The following CDIN1 variants were observed in gnomAD, a reference collection of about 807,000 sequenced individuals.
The protein encoded by CDIN1 is CDAN1 interacting nuclease 1.
CDIN1 carries 33 observed loss-of-function variants against 45.3 expected under a neutral mutation model. The observed-to-expected ratio is 0.73, with a 90% confidence interval of 0.55 to 0.97. The LOEUF (loss-of-function observed/expected upper bound fraction) is 0.97, where lower values mean the gene tolerates loss of function less well. Among genes scored for constraint, CDIN1 ranks in the 50% least tolerant of loss-of-function variants. The pLI, the probability that CDIN1 is intolerant of heterozygous loss-of-function variation, is 0.00. For synonymous variants in CDIN1, 118 were observed against 124.4 expected (o/e 0.95, Z 0.34); for missense variants, 303 against 339.4 (o/e 0.89, Z 0.84).
intron 8 of CDIN1, chr15:36,704,938 A>G (rs2042807605): frequency 6.6e-6 from 1 of 152,174 alleles, no homozygotes; most frequent in Non-Finnish European, 1.5e-5. Flanking sequence ...ATTCTTAAGT[A>G]TATGTTAACT....
chr15:36,626,074 TTAAA>T (rs1425881803), intron 1 of CDIN1, among the ~76,000 whole-genome samples: 3 of 151,624 alleles, frequency 2.0e-5, no homozygotes, highest in African/African-American at 7.3e-5. Flanking sequence ...CAGGATATAT[TTAAA>T]TATATATTAA....
intron 10 of CDIN1, among the ~76,000 whole-genome samples, chr15:36,771,802 G>A (rs1202981966): frequency 6.6e-6 from 1 of 152,050 alleles, no homozygotes; most frequent in East Asian, 1.9e-4. Flanking sequence ...GGTGGTGGGT[G>A]CCTGTGATCC....
At chr15:36,616,441 C>A (rs2038894317) in intron 1 of CDIN1, among the ~76,000 whole-genome samples, 1 of 151,994 alleles carries the variant, frequency 6.6e-6, no homozygotes, top group South Asian at 2.1e-4. Flanking sequence ...AGCCACTACA[C>A]CCGGCTAATT....
intron 10 of CDIN1, among the ~76,000 whole-genome samples, chr15:36,730,775 C>T (rs183591203): frequency 1.3e-5 from 2 of 152,034 alleles, no homozygotes; most frequent in African/African-American, 4.8e-5. Context: ...ATTTTTTGAA[C>T]AATATTTCTT....
intron 1 of CDIN1, among the ~76,000 whole-genome samples, chr15:36,625,599 A>C (rs944759946): frequency 1.3e-5 from 2 of 152,232 alleles, no homozygotes; most frequent in African/African-American, 2.4e-5. Context: ...AACCCAACAT[A>C]TGTAGCTAAC....
At chr15:36,763,899 A>G (rs2053842024) in intron 10 of CDIN1, among the ~76,000 whole-genome samples, 1 of 152,206 alleles carries the variant, frequency 6.6e-6, no homozygotes, top group Non-Finnish European at 1.5e-5. Context: ...AAGGCTATAT[A>G]TACATAGTGA....
chr15:36,690,291 CAG>C (rs1416153021), intron 5 of CDIN1, among the ~76,000 whole-genome samples: 4 of 149,832 alleles, frequency 2.7e-5, no homozygotes, highest in Non-Finnish European at 5.9e-5. Flanking sequence ...TTTTTTGAGA[CAG>C]AGTCTCGCTC....
intron 5 of CDIN1, among the ~76,000 whole-genome samples, chr15:36,673,507 C>T (rs1012621954): frequency 6.6e-6 from 1 of 152,074 alleles, no homozygotes; most frequent in African/African-American, 2.4e-5. Context: ...TGCATTCCTC[C>T]TGCAACAAAT....
At chr15:36,761,297 C>T (rs145262954) in intron 10 of CDIN1, among the ~76,000 whole-genome samples, 6 of 152,256 alleles carry the variant, frequency 3.9e-5, no homozygotes, top group African/African-American at 1.2e-4. Flanking sequence ...AGATTGTTTC[C>T]GTTGTGCATA....
At chr15:36,682,327 G>C (rs1032156534) in intron 5 of CDIN1, among the ~76,000 whole-genome samples, 5 of 152,118 alleles carry the variant, frequency 3.3e-5, no homozygotes, top group Non-Finnish European at 5.9e-5. Context: ...CAGCTCCAAG[G>C]CAGAAAGAAT....
rs192825939 is a variant in CDIN1, at chr15:36,645,308, T to A, written c.212+21T>A. 1.6e-3 allele frequency: 2,494 copies of A among 1,525,020 alleles called. 9 individuals carry two copies. The highest frequency in any genetic ancestry group is 1.9e-3 in the Non-Finnish European group (2,099 of 1,123,906). The allele number at this position is 1,525,020 out of a possible 1,614,324, so 94.5% of individuals were successfully genotyped here. On this transcript the variant is annotated intron_variant, in intron 3 of 10. Transcript: ENST00000566621. ...CAGAGGTATGACCTTCCTGCCCCAC[T>A]AGAGGGTATCATAGTACCTATTAAT... is the stretch of plus-strand genomic sequence containing the variant.
chr15:36,608,784 T>C (rs1199783780), intron 1 of CDIN1, among the ~76,000 whole-genome samples: 1 of 152,182 alleles, frequency 6.6e-6, no homozygotes, highest in African/African-American at 2.4e-5. Context: ...TAGTAAAAGT[T>C]GTTTTTCTTT....
At chr15:36,712,787 A>G (rs1199731323) in intron 10 of CDIN1, among the ~76,000 whole-genome samples, 2 of 152,072 alleles carry the variant, frequency 1.3e-5, no homozygotes, top group African/African-American at 2.4e-5. Flanking sequence ...GCACATCTCC[A>G]TCCCAAGACC....
chr15:36,700,959 A>G (rs562092642), intron 8 of CDIN1, among the ~76,000 whole-genome samples: 1 of 152,084 alleles, frequency 6.6e-6, no homozygotes, highest in African/African-American at 2.4e-5. Flanking sequence ...AGTACCAGCT[A>G]CTTGGGAGGC....
At chr15:36,749,889 CAG>C (rs1344408503) in intron 10 of CDIN1, among the ~76,000 whole-genome samples, 1 of 152,196 alleles carries the variant, frequency 6.6e-6, no homozygotes, top group Non-Finnish European at 1.5e-5. Flanking sequence ...AGGTGGGAGA[CAG>C]GGCACCAACC....
chr15:36,794,379 T>G (rs2054735748), intron 10 of CDIN1, among the ~76,000 whole-genome samples: 1 of 152,160 alleles, frequency 6.6e-6, no homozygotes, highest in Admixed American at 6.5e-5. Context: ...CTTAAGCATG[T>G]TTACATTTTT....
intron 10 of CDIN1, among the ~76,000 whole-genome samples, chr15:36,721,959 G>A (rs1473358064): frequency 6.6e-6 from 1 of 152,064 alleles, no homozygotes; most frequent in African/African-American, 2.4e-5. Context: ...ACTCTGTTAA[G>A]CTGGGCCAAT....
rs147594809 is a variant in CDIN1 at position 36,595,657 on chromosome 15, T to G, written c.101+15696T>G. On this transcript the variant is annotated intron_variant, in intron 1 of 10. Coordinates refer to ENST00000566621, the MANE Select transcript of CDIN1 (RefSeq NM_001321759.2). The stretch of plus-strand genomic sequence containing the variant: ...AATATATTCCCTGGGACTGATCAGC[T>G]CTGAAGCACTGAGGTTTGATGATTG... 5.6e-3 allele frequency among the ~76,000 whole-genome samples: 851 copies of G among 152,292 alleles called. 1 individual carries two copies. Among genetic ancestry groups the G allele is most frequent in the Non-Finnish European group, 9.3e-3 (633 of 68,032 alleles).
At chr15:36,764,019 C>T (rs1362390743) in intron 10 of CDIN1, among the ~76,000 whole-genome samples, 1 of 152,136 alleles carries the variant, frequency 6.6e-6, no homozygotes, top group African/African-American at 2.4e-5. Flanking sequence ...TAAATCACCC[C>T]TTCTATTCAG....
Sources: allele counts gnomAD v4.1 joint callset (sites outside exome capture counted in the v4.1 genomes callset), GRCh38; gene constraint gnomAD v4.1.1; transcripts MANE v1.5; gene names NCBI Gene and HGNC (gene_info 2026-07-23, HGNC 2026-07-21).